DNAAF4: variants seen among roughly 807,000 people sequenced by gnomAD.
DNAAF4 encodes the protein dynein assembly factor 4, axonemal.
A neutral mutation model predicts 51.8 loss-of-function variants in DNAAF4; 43 were observed. The ratio of observed to expected loss-of-function variants is 0.83; its 90% CI spans 0.65 to 1.07. DNAAF4 has a LOEUF of 1.07. DNAAF4 is among the 50% of genes least tolerant of loss of function. DNAAF4 has a pLI of 0.00. For synonymous variants in DNAAF4, 194 were observed against 165.6 expected (o/e 1.17, Z -1.32); for missense variants, 581 against 493.0 (o/e 1.18, Z -1.69).
rs1308806535 is a variant in DNAAF4 at position 55,430,765 on chromosome 15, C to CATA, written c.1165_1167dup (p.Tyr389dup). On this transcript the variant is annotated inframe_insertion, in exon 10 of 10. Coordinates refer to ENST00000321149, the MANE Select transcript of DNAAF4 (RefSeq NM_130810.4). ...GATGGATCAATCTTAAGTGCCGCTT[C>CATA]ATAATCCTGTAGGCCTGTGTTTATA... 6.2e-7 allele frequency: 1 copy of CATA among 1,612,978 alleles called. No homozygotes were observed. Among genetic ancestry groups the CATA allele is most frequent in the Admixed American group, 1.7e-5 (1 of 59,982 alleles).
rs1555418830 is a variant in DNAAF4 at position 55,473,369 on chromosome 15, G to GTGTATATA, written c.406-6209_406-6208insTATATACA. Among the ~76,000 whole-genome samples the GTGTATATA allele has an allele frequency of 6.1e-5, 8 of 130,908 alleles. 1 individual carries two copies. The highest frequency in any genetic ancestry group is 2.5e-4 in the South Asian group (1 of 4,072). The allele number at this position is 130,908 out of a possible 152,430, so 85.9% of individuals were successfully genotyped here. A position where few individuals can be genotyped will look rare whatever the true frequency, so the allele number is the denominator to read the frequency against. On this transcript the variant is annotated intron_variant, in intron 4 of 9. Transcript: ENST00000321149. ...TATGTGTGTATATATATGTGTGTGT[G>GTGTATATA]TATATATATATATATGCAAACTTAA...
At chr15:55,499,948 C>G (rs752470943) in intron 1 of DNAAF4, among the ~76,000 whole-genome samples, 35 of 152,084 alleles carry the variant, frequency 2.3e-4, no homozygotes, top group Non-Finnish European at 4.4e-4. Context: ...TTCTGCACAC[C>G]CAGTTTATAA....
chr15:55,493,049 A>G (rs962245099), intron 3 of DNAAF4, among the ~76,000 whole-genome samples: 2 of 152,164 alleles, frequency 1.3e-5, no homozygotes, highest in Admixed American at 6.5e-5. Context: ...TATTATTTGT[A>G]GGTGAGGCCT....
chr15:55,471,000 C>T (rs1445642958), intron 4 of DNAAF4, among the ~76,000 whole-genome samples: 2 of 151,302 alleles, frequency 1.3e-5, no homozygotes, highest in East Asian at 2.0e-4. Context: ...ACCACAGGCC[C>T]GCAGCACCAC....
intron 3 of DNAAF4, chr15:55,495,124 T>A (rs749831627): frequency 4.0e-5 from 6 of 148,876 alleles, no homozygotes; most frequent in Non-Finnish European, 7.4e-5. Flanking sequence ...CAACATAGAC[T>A]TACTGAGTCA....
intron 6 of DNAAF4, 52 bp downstream of exon 6, chr15:55,450,164 GAAATAA>G (rs1475728611): frequency 6.7e-7 from 1 of 1,495,600 alleles, no homozygotes; most frequent in Non-Finnish European, 8.9e-7. Context: ...TTCAATAGAT[GAAATAA>G]AAATAAAGTA....
intron 5 of DNAAF4, among the ~76,000 whole-genome samples, chr15:55,455,387 A>AATATATATAT (rs10688653): frequency 0.045 from 5,656 of 127,046 alleles, 151 homozygotes; most frequent in South Asian, 0.087. Flanking sequence ...TAGCAAATTG[A>AATATATATAT]ATATATATAT....
intron 4 of DNAAF4, among the ~76,000 whole-genome samples, chr15:55,486,599 T>C (rs1304409617): frequency 6.6e-6 from 1 of 152,000 alleles, no homozygotes; most frequent in African/African-American, 2.4e-5. Flanking sequence ...CTGGGCAACA[T>C]AGTTAGACCC....
At chr15:55,420,440 C>T (rs982604940) in intron 7 of DNAAF4, among the ~76,000 whole-genome samples, 6 of 151,894 alleles carry the variant, frequency 4.0e-5, no homozygotes, top group Middle Eastern at 3.4e-3. Flanking sequence ...TTGTTATTTT[C>T]CCCTGTTGGT....
exon 8 of DNAAF4, chr15:55,417,899 G>A: frequency 2.2e-6 from 1 of 444,708 alleles, no homozygotes; most frequent in Non-Finnish European, 4.0e-6. Context: ...GGGTTATTCT[G>A]TGGCGGGCAG....
chr15:55,444,396 G>C (rs2057763135), intron 6 of DNAAF4, among the ~76,000 whole-genome samples: 1 of 152,088 alleles, frequency 6.6e-6, no homozygotes, highest in South Asian at 2.1e-4. Context: ...CTGTTCCATT[G>C]GTCTATATCT....
intron 7 of DNAAF4, among the ~76,000 whole-genome samples, chr15:55,437,032 C>G (rs1271331936): frequency 6.7e-6 from 1 of 150,018 alleles, no homozygotes; most frequent in Non-Finnish European, 1.5e-5. Context: ...GCTGTTCAGT[C>G]TGGTGAACTC....
intron 1 of DNAAF4, among the ~76,000 whole-genome samples, chr15:55,500,490 G>C (rs2058690781): frequency 6.6e-6 from 1 of 152,032 alleles, no homozygotes; most frequent in South Asian, 2.1e-4. Flanking sequence ...AAATGTTAAA[G>C]TCCAGGTTCT....
chr15:55,507,003 C>A (rs1027036384), intron 1 of DNAAF4, among the ~76,000 whole-genome samples: 7 of 152,080 alleles, frequency 4.6e-5, no homozygotes, highest in African/African-American at 1.7e-4. Flanking sequence ...GCACCCACCA[C>A]CAAGCCTGGC....
intron 1 of DNAAF4, among the ~76,000 whole-genome samples, chr15:55,505,460 T>C (rs1202598538): frequency 6.6e-6 from 1 of 152,150 alleles, no homozygotes; most frequent in African/African-American, 2.4e-5. Flanking sequence ...TAAAGACACA[T>C]GCACACGTAT....
chr15:55,425,526 G>C (rs1431213744), downstream of DNAAF4, among the ~76,000 whole-genome samples: 4 of 152,068 alleles, frequency 2.6e-5, no homozygotes, highest in African/African-American at 9.7e-5. Flanking sequence ...AAAGAACTAA[G>C]CCTCGTTCCA....
chr15:55,505,163 A>G (rs2058720390), intron 1 of DNAAF4, among the ~76,000 whole-genome samples: 1 of 152,258 alleles, frequency 6.6e-6, no homozygotes, highest in South Asian at 2.1e-4. Flanking sequence ...AGACATATGA[A>G]AAAATGCTTG....
chr15:55,446,301 G>GGT (rs555771971), intron 6 of DNAAF4, among the ~76,000 whole-genome samples: 2,495 of 66,896 alleles, frequency 0.037, 446 homozygotes, highest in East Asian at 0.093. Flanking sequence ...CCAGACGGGG[G>GGT]GGGGGGGCAG....
chr15:55,484,389 G>A (rs897179496), intron 4 of DNAAF4, among the ~76,000 whole-genome samples: 20 of 151,704 alleles, frequency 1.3e-4, no homozygotes, highest in African/African-American at 4.4e-4. Flanking sequence ...GGAGGCTGAG[G>A]CAGGAGAATG....
Sources: gnomAD v4.1 joint callset for allele counts (sites outside exome capture counted in the v4.1 genomes callset) on GRCh38, gnomAD v4.1.1 for gene constraint, MANE v1.5 for transcripts, NCBI Gene and HGNC (gene_info 2026-07-23, HGNC 2026-07-21) for gene names.